Variants in RBFOX1 observed in about 807,000 individuals in gnomAD.
The protein encoded by RBFOX1 is RNA binding fox-1 homolog 1.
A neutral mutation model predicts 57.7 loss-of-function variants in RBFOX1; 8 were observed. The observed-to-expected ratio is 0.14, with a 90% confidence interval of 0.08 to 0.25. RBFOX1 has a LOEUF of 0.25. Among genes scored for constraint, RBFOX1 ranks in the 10% least tolerant of loss-of-function variants. The pLI is 1.00. For missense variants in RBFOX1, 611 were observed against 548.5 expected, an observed-to-expected ratio of 1.11 and a Z score of -1.14; for synonymous variants, 326 against 222.4, an observed-to-expected ratio of 1.47 and a Z score of -4.15.
chr16:6,565,323 C>T (rs4786882), intron 2 of RBFOX1, among the ~76,000 whole-genome samples: 1 of 151,018 alleles, frequency 6.6e-6, no homozygotes, highest in Non-Finnish European at 1.5e-5. Context: ...GTGGCGCGAT[C>T]TTGGCTCACT....
intron 3 of RBFOX1, among the ~76,000 whole-genome samples, chr16:6,707,657 G>A (rs182838568): frequency 6.6e-6 from 1 of 152,024 alleles, no homozygotes; most frequent in South Asian, 2.1e-4. Context: ...GAAAGGAAGG[G>A]CATGTACATT....
intron 2 of RBFOX1, among the ~76,000 whole-genome samples, chr16:5,557,745 A>T (rs2045733711): frequency 6.6e-6 from 1 of 152,198 alleles, no homozygotes; most frequent in Non-Finnish European, 1.5e-5. Context: ...AGGTGGGGCA[A>T]AGGCCCCACC....
intron 3 of RBFOX1, among the ~76,000 whole-genome samples, chr16:6,926,306 C>G (rs536353433): frequency 1.3e-5 from 2 of 152,114 alleles, no homozygotes; most frequent in South Asian, 2.1e-4. Context: ...GACTCCATCT[C>G]AAAGAAAAAA....
At chr16:7,611,594 A>AG (rs2057480833) in intron 10 of RBFOX1, among the ~76,000 whole-genome samples, 1 of 151,548 alleles carries the variant, frequency 6.6e-6, no homozygotes, top group Non-Finnish European at 1.5e-5. Flanking sequence ...AAAAAAAAAA[A>AG]GGCAAGTTAT....
At chr16:6,359,513 A>G (rs2088015101) in intron 2 of RBFOX1, among the ~76,000 whole-genome samples, 1 of 152,134 alleles carries the variant, frequency 6.6e-6, no homozygotes, top group Non-Finnish European at 1.5e-5. Context: ...TCTCATAATG[A>G]AAGACACTCT....
intron 4 of RBFOX1, among the ~76,000 whole-genome samples, chr16:7,177,982 T>C: frequency 6.6e-6 from 1 of 152,144 alleles, no homozygotes; most frequent in Non-Finnish European, 1.5e-5. Flanking sequence ...CACGCTCTGG[T>C]TCCTTTCTTC....
At chr16:6,011,112 T>A (rs971764068) in intron 4 of RBFOX1, among the ~76,000 whole-genome samples, 2 of 152,210 alleles carry the variant, frequency 1.3e-5, no homozygotes, top group Admixed American at 1.3e-4. Context: ...TAAGTGCATT[T>A]GAAAGAAATC....
intron 2 of RBFOX1, among the ~76,000 whole-genome samples, chr16:6,452,439 C>T (rs981128850): frequency 2.6e-5 from 4 of 151,902 alleles, no homozygotes; most frequent in Admixed American, 1.3e-4. Flanking sequence ...GCCATGACTC[C>T]ATCCATGGCC....
At chr16:7,301,579 A>G (rs565416463) in intron 4 of RBFOX1, among the ~76,000 whole-genome samples, 1 of 152,206 alleles carries the variant, frequency 6.6e-6, no homozygotes, top group Non-Finnish European at 1.5e-5. Flanking sequence ...AGCCAAGAGC[A>G]TTTATTGGGT....
chr16:5,886,895 C>G (rs1268931451), intron 4 of RBFOX1, among the ~76,000 whole-genome samples: 1 of 152,162 alleles, frequency 6.6e-6, no homozygotes, highest in African/African-American at 2.4e-5. Context: ...CTCAAACAAA[C>G]AAATCATCTC....
At chr16:7,067,292 C>T (rs1749109677) in intron 4 of RBFOX1, among the ~76,000 whole-genome samples, 1 of 112,366 alleles carries the variant, frequency 8.9e-6, no homozygotes, top group Admixed American at 9.1e-5. Context: ...TTTATTGTGG[C>T]CCTAACAAAT....
chr16:6,472,123 C>G (rs2153081626), intron 2 of RBFOX1, among the ~76,000 whole-genome samples: 1 of 152,278 alleles, frequency 6.6e-6, no homozygotes, highest in African/African-American at 2.4e-5. Context: ...CCAGCCTAGC[C>G]CTTGAGCTTA....
chr16:7,703,696 A>G (rs573031546), intron 14 of RBFOX1, among the ~76,000 whole-genome samples: 5 of 152,326 alleles, frequency 3.3e-5, no homozygotes, highest in South Asian at 2.1e-4. Context: ...GTGTCTCAGT[A>G]GAGTTGATAA....
chr16:6,802,290 C>G (rs929682651), intron 3 of RBFOX1, among the ~76,000 whole-genome samples: 2 of 152,110 alleles, frequency 1.3e-5, no homozygotes, highest in African/African-American at 2.4e-5. Context: ...TTAGTGAGAC[C>G]TGATTTGCCA....
chr16:5,864,120 ATT>A (rs1222267019), intron 3 of RBFOX1, among the ~76,000 whole-genome samples: 3 of 151,980 alleles, frequency 2.0e-5, no homozygotes, highest in African/African-American at 7.3e-5. Context: ...TGCTCTCATC[ATT>A]TAGCTCCAAC....
At chr16:5,608,350 G>A (rs1266322502) in intron 3 of RBFOX1, among the ~76,000 whole-genome samples, 1 of 152,172 alleles carries the variant, frequency 6.6e-6, no homozygotes, top group African/African-American at 2.4e-5. Context: ...AGCATACCAT[G>A]ATTCTGGGAA....
chr16:7,321,684 G>C (rs1270953045), intron 4 of RBFOX1, among the ~76,000 whole-genome samples: 1 of 152,074 alleles, frequency 6.6e-6, no homozygotes, highest in African/African-American at 2.4e-5. Flanking sequence ...AAGATGTTTG[G>C]CAAATAATAA....
chr16:5,292,990 AG>A (rs1436390161), intron 1 of RBFOX1, among the ~76,000 whole-genome samples: 1 of 151,730 alleles, frequency 6.6e-6, no homozygotes, highest in Non-Finnish European at 1.5e-5. Flanking sequence ...ACTTGGGCAA[AG>A]GTTTGATTTT....
chr16:5,747,888 G>A (rs1379726497), intron 3 of RBFOX1, among the ~76,000 whole-genome samples: 1 of 152,048 alleles, frequency 6.6e-6, no homozygotes, highest in African/African-American at 2.4e-5. Context: ...GTTCTGCTCT[G>A]ATCTTAGTTA....
Sources: gnomAD v4.1 joint callset for allele counts (sites outside exome capture counted in the v4.1 genomes callset) on GRCh38, gnomAD v4.1.1 for gene constraint, MANE v1.5 for transcripts, NCBI Gene and HGNC (gene_info 2026-07-23, HGNC 2026-07-21) for gene names.